SPATA31E1: variants seen among roughly 807,000 people sequenced by gnomAD.
The protein encoded by SPATA31E1 is spermatogenesis-associated protein 31E1.
A neutral mutation model predicts 12.9 loss-of-function variants in SPATA31E1; 7 were observed. The ratio of observed to expected loss-of-function variants is 0.54; its 90% CI spans 0.31 to 1.02. The LOEUF (loss-of-function observed/expected upper bound fraction) is 1.02. Among genes scored for constraint, SPATA31E1 ranks in the 50% least tolerant of loss-of-function variants. The pLI, the probability that SPATA31E1 is intolerant of heterozygous loss-of-function variation, is 0.05. For missense variants in SPATA31E1, 1,961 were observed against 1,799.8 expected, an observed-to-expected ratio of 1.09 and a Z score of -1.62; for synonymous variants, 771 against 719.0, an observed-to-expected ratio of 1.07 and a Z score of -1.16.
At chr9:87,884,340 C>T (rs375609024) in intron 2 of SPATA31E1, among the ~76,000 whole-genome samples, 1 of 152,352 alleles carries the variant, frequency 6.6e-6, no homozygotes. Context: ...TTTGAGACCA[C>T]CCATTTGCTC....
chr9:87,886,488 G>C lies in SPATA31E1; in HGVS notation c.2001G>C (p.Gln667His). The C allele has an allele frequency of 6.2e-7, 1 of 1,613,988 alleles. No individual in the cohort carries two copies. The highest frequency in any genetic ancestry group is 8.5e-7 in the Non-Finnish European group (1 of 1,179,996). Residue 667 changes from glutamine (Q) to histidine (H), a missense_variant, in exon 4 of 4, where the codon CAG (glutamine) becomes CAC (histidine). Gln to His is a conservative substitution (Grantham distance 24). Transcript: ENST00000325643. Reference protein sequence around the residue: ...DGEFPGRPQSQAEDTQQALLP... With the variant: ...DGEFPGRPQSHAEDTQQALLP... ...AATTCCCAGGGAGGCCCCAGAGTCA[G>C]GCAGAAGACACGCAGCAGGCCCTCT...
In SPATA31E1 at chr9:87,888,671, TCAGAGA is replaced by T; in HGVS notation, c.4194_4199del (p.Arg1398_Asp1399del). The stretch of plus-strand genomic sequence containing the variant: ...CACTGTCCTGTCAAAAACAGGGGCA[TCAGAGA>T]CAGAGACAGCAGTTGGGCCCCACCT... On this transcript the variant is annotated inframe_deletion, in exon 4 of 4. Coordinates refer to ENST00000325643, the MANE Select transcript of SPATA31E1 (RefSeq NM_178828.5). 1 of 1,613,968 alleles carries T rather than the reference TCAGAGA, an allele frequency of 6.2e-7. No homozygotes were observed. Among genetic ancestry groups the T allele is most frequent in the Non-Finnish European group, 8.5e-7 (1 of 1,179,994 alleles).
At position 87,887,723 on chromosome 9, in the gene SPATA31E1, C is replaced by T. The variant is rs765473803; in HGVS notation, c.3236C>T (p.Ser1079Phe). The T allele has an allele frequency of 1.9e-6, 3 of 1,614,004 alleles. No homozygotes were observed. In the South Asian group the frequency reaches 3.3e-5, roughly 18 times the overall value. Residue 1079 changes from serine to phenylalanine, a missense_variant, in exon 4 of 4, where the codon TCT becomes TTT. By Grantham distance (155) the Ser-to-Phe change is radical. Coordinates refer to ENST00000325643, the MANE Select transcript of SPATA31E1 (RefSeq NM_178828.5). ...GGGACCACTGGTAACCCCTCAGCGT[C>T]TTCAGTCTGTGTTGCTCAGGATCCA... ...ALGTTGNPSA[S>F]SVCVAQDPEQ...
chr9:87,883,285 G>A, intron 1 of SPATA31E1, 85 bp downstream of exon 1: 2 of 1,429,434 alleles, frequency 1.4e-6, no homozygotes, highest in South Asian at 2.8e-5. Flanking sequence ...AGCAATGTGA[G>A]ACCCTTCTGT....
At position 87,887,869 on chromosome 9, in the gene SPATA31E1, C is replaced by T; in HGVS notation, c.3382C>T (p.Leu1128=). 3 of 1,613,840 alleles carry T rather than the reference C, an allele frequency of 1.9e-6. No individual in the cohort carries two copies. The highest frequency in any genetic ancestry group is 2.5e-6 in the Non-Finnish European group (3 of 1,180,044). Residue 1128 remains leucine (L), a synonymous_variant, in exon 4 of 4, where the codon CTG becomes TTG. Transcript: ENST00000325643. ...CCTCCTCCAGGACGGCGCCACAGGCCTGTGCCTTCCAGGCCGCCACATGGA... is the reference window on the plus strand; with the variant it reads ...CCTCCTCCAGGACGGCGCCACAGGCTTGTGCCTTCCAGGCCGCCACATGGA... The part of the protein sequence containing the change: ...GILLQDGATG[L]CLPGRHMDML...
chr9:87,885,499 G>C lies in SPATA31E1; in HGVS notation c.1012G>C (p.Ala338Pro), dbSNP rs551533016. The C allele has an allele frequency of 6.2e-7, 1 of 1,614,116 alleles. No homozygotes were observed. Among genetic ancestry groups the C allele is most frequent in the Admixed American group, 1.7e-5 (1 of 60,026 alleles). ...PRHLPDHTSE[A>P]SFWGDPTPKH... ...GCATCTTCCCGACCACACCTCAGAG[G>C]CTTCCTTCTGGGGAGACCCCACACC... The change falls in exon 4 of 4, where the codon GCT becomes CCT. Residue 338 changes from alanine (A) to proline (P), a missense_variant. Physicochemically the swap from Ala to Pro is conservative, Grantham distance 27. Coordinates refer to ENST00000325643, the MANE Select transcript of SPATA31E1 (RefSeq NM_178828.5).
At position 87,885,196 on chromosome 9, in the gene SPATA31E1, C is replaced by G. The variant is rs529538067; in HGVS notation, c.709C>G (p.Gln237Glu). ...GCTTCCCCTAAAATGCCCTGCAACC[C>G]AGCCACATGTGGTTTTTCCTCCTTC... The part of the protein sequence containing the change: ...PLLPLKCPAT[Q>E]PHVVFPPSPQ... The change falls in exon 4 of 4, where the codon CAG becomes GAG. Residue 237 changes from glutamine (Q) to glutamate (E), a missense_variant. Transcript: ENST00000325643. 4.3e-6 allele frequency: 7 copies of G among 1,614,138 alleles called. No homozygotes were observed. Among genetic ancestry groups the G allele is most frequent in the Admixed American group, 1.7e-5 (1 of 60,026 alleles).
chr9:87,883,054 A>G lies in SPATA31E1; in HGVS notation c.163A>G (p.Thr55Ala), dbSNP rs548531092. The change falls in exon 1 of 4, where the codon ACA (threonine) becomes GCA (alanine). Residue 55 changes from threonine to alanine, a missense_variant. Coordinates refer to ENST00000325643, the MANE Select transcript of SPATA31E1 (RefSeq NM_178828.5). ...CTTTCCTCTGAAGAGCCCTAGTGCC[A>G]CATGGCTGAGCCCTAGCTCCACTCC... ...MLFPLKSPSA[T>A]WLSPSSTPWM... The G allele has an allele frequency of 6.2e-7, 1 of 1,613,650 alleles. No homozygotes were observed. The highest frequency in any genetic ancestry group is 1.1e-5 in the South Asian group (1 of 90,924).
At position 87,886,599 on chromosome 9, in the gene SPATA31E1, C is replaced by G. The variant is rs4076794; in HGVS notation, c.2112C>G (p.Asp704Glu). 220,800 of 1,613,758 alleles carry G rather than the reference C, an allele frequency of 0.14. 24,068 individuals carry two copies. The highest frequency in any genetic ancestry group is 0.55 in the African/African-American group (41,504 of 74,872). Residue 704 changes from aspartate to glutamate, a missense_variant, in exon 4 of 4, where the codon GAC becomes GAG. Physicochemically the swap from Asp to Glu is conservative, Grantham distance 45. Transcript: ENST00000325643. ...TGFRSSGRFS[D>E]KGCLGSKLGP... ...TCAGGAGCTCCGGAAGGTTCTCTGA[C>G]AAGGGGTGCTTAGGGTCCAAACTAG...
chr9:87,883,988 T>G lies in SPATA31E1; in HGVS notation c.310-4T>G. The G allele has an allele frequency of 6.2e-7, 1 of 1,605,234 alleles. No homozygotes were observed. Among genetic ancestry groups the G allele is most frequent in the East Asian group, 2.2e-5 (1 of 44,662 alleles). ...CCAGCCCCTCATCCTTTCTTGCCTC[T>G]CAGCCTCAAAGGGAGAGAAGCGGGA... On this transcript the variant is annotated splice_region_variant and splice_polypyrimidine_tract_variant and intron_variant, in intron 1 of 3. Coordinates refer to ENST00000325643, the MANE Select transcript of SPATA31E1 (RefSeq NM_178828.5).
At position 87,884,897 on chromosome 9, in the gene SPATA31E1, C is replaced by A; in HGVS notation, c.426-16C>A. 6.3e-7 allele frequency: 1 copy of A among 1,593,070 alleles called. No homozygotes were observed. The highest frequency in any genetic ancestry group is 8.6e-7 in the Non-Finnish European group (1 of 1,167,356). ...ATCTACCCCTGGCTGCAGCTTGTGC[C>A]TCTTGTCTCCTGCAGCCACCTGAGG... On this transcript the variant is annotated splice_polypyrimidine_tract_variant and intron_variant, in intron 3 of 3. Transcript: ENST00000325643.
At position 87,888,558 on chromosome 9, in the gene SPATA31E1, C is replaced by T. The variant is rs569910084; in HGVS notation, c.4071C>T (p.Ser1357=). 6.2e-7 allele frequency: 1 copy of T among 1,614,184 alleles called. No homozygotes were observed. Among genetic ancestry groups the T allele is most frequent in the Non-Finnish European group, 8.5e-7 (1 of 1,180,032 alleles). Residue 1357 remains serine, a synonymous_variant, in exon 4 of 4, where the codon TCC becomes TCT. Transcript: ENST00000325643. ...TCCGCGCCCAGGAGAATGTGCCTTC[C>T]TGCTGCCACAGGGGTCACTGCCACC... ...GDFRAQENVP[S]CCHRGHCHQE...
In SPATA31E1 at chr9:87,887,158, G is replaced by T. The variant is rs537793274; in HGVS notation, c.2671G>T (p.Val891Phe). Residue 891 changes from valine to phenylalanine, a missense_variant, in exon 4 of 4, where the codon GTT becomes TTT. By Grantham distance (50) the Val-to-Phe change is conservative. Coordinates refer to ENST00000325643, the MANE Select transcript of SPATA31E1 (RefSeq NM_178828.5). ...WVSRVESVPK[V>F]PIFLGKRPQN... ...ATCTCGGGTTGAATCTGTACCCAAG[G>T]TTCCCATTTTCCTGGGAAAACGTCC... is the stretch of plus-strand genomic sequence containing the variant. 7.4e-6 allele frequency: 12 copies of T among 1,614,020 alleles called. 1 individual carries two copies. Among genetic ancestry groups the T allele is most frequent in the African/African-American group, 1.3e-5 (1 of 75,022 alleles).
Position 87,884,183 on chromosome 9 carries a change from G to A in SPATA31E1, c.364+137G>A, listed in dbSNP as rs555523395. ...CCTGCGGCCTCCTCAGATTCCCTGCGGGAATGAAGCCACGGGCCTGGGACC... is the reference window on the plus strand; with the variant it reads ...CCTGCGGCCTCCTCAGATTCCCTGCAGGAATGAAGCCACGGGCCTGGGACC... On this transcript the variant is annotated intron_variant, in intron 2 of 3. Coordinates refer to ENST00000325643, the MANE Select transcript of SPATA31E1 (RefSeq NM_178828.5). The A allele has an allele frequency of 1.9e-4, 225 of 1,168,100 alleles. 2 individuals are homozygous for A. The South Asian group carries it at 2.9e-3, about 15-fold the overall frequency. The allele number at this position is 1,168,100 out of a possible 1,614,324, so 72.4% of individuals were successfully genotyped here.
chr9:87,887,857 G>A lies in SPATA31E1; in HGVS notation c.3370G>A (p.Gly1124Ser), dbSNP rs141616210. Reference sequence around the variant, plus strand: ...TGCCCCGGGCATCCTCCTCCAGGACGGCGCCACAGGCCTGTGCCTTCCAGG... The same window carrying A: ...TGCCCCGGGCATCCTCCTCCAGGACAGCGCCACAGGCCTGTGCCTTCCAGG... ...GRAPGILLQD[G>S]ATGLCLPGRH... The change falls in exon 4 of 4, where the codon GGC becomes AGC. Residue 1124 changes from glycine to serine, a missense_variant. Physicochemically the swap from Gly to Ser is moderately conservative, Grantham distance 56. Transcript: ENST00000325643. The A allele has an allele frequency of 7.8e-5, 126 of 1,613,824 alleles. No individual in the cohort carries two copies. The highest frequency in any genetic ancestry group is 4.0e-4 in the East Asian group (18 of 44,874).
At position 87,885,584 on chromosome 9, in the gene SPATA31E1, A is replaced by T; in HGVS notation, c.1097A>T (p.Glu366Val). The change falls in exon 4 of 4, where the codon GAG (glutamate) becomes GTG (valine). Residue 366 changes from glutamate to valine, a missense_variant. By Grantham distance (121) the Glu-to-Val change is moderately radical (BLOSUM62 -2). Coordinates refer to ENST00000325643, the MANE Select transcript of SPATA31E1 (RefSeq NM_178828.5). ...FIHPDVQKLLETLIAKRALMK... is the reference protein window; with the variant it reads ...FIHPDVQKLLVTLIAKRALMK... ...CACCCTGACGTGCAGAAGCTGCTGG[A>T]GACCCTCATCGCCAAGAGAGCACTG... The T allele has an allele frequency of 6.2e-7, 1 of 1,614,174 alleles. No individual in the cohort carries two copies. The highest frequency in any genetic ancestry group is 8.5e-7 in the Non-Finnish European group (1 of 1,180,040).
rs1828305195 is a variant in SPATA31E1, at chr9:87,887,536, C to T, written c.3049C>T (p.Leu1017=). The T allele has an allele frequency of 1.2e-6, 2 of 1,613,960 alleles. No homozygotes were observed. The highest frequency in any genetic ancestry group is 2.7e-5 in the African/African-American group (2 of 74,944). Residue 1017 remains leucine, a synonymous_variant, in exon 4 of 4, where the codon CTG becomes TTG. Coordinates refer to ENST00000325643, the MANE Select transcript of SPATA31E1 (RefSeq NM_178828.5). ...SPGDPCSSRA[L]QVLSIGSQWA... ...AGGAGACCCCTGTAGTAGCAGAGCC[C>T]TGCAAGTGCTCAGCATAGGGTCCCA...
rs1482379415 is a variant in SPATA31E1 at position 87,888,636 on chromosome 9, C to T, written c.4149C>T (p.Pro1383=). The T allele has an allele frequency of 6.2e-7, 1 of 1,614,080 alleles. No homozygotes were observed. Among genetic ancestry groups the T allele is most frequent in the Non-Finnish European group, 8.5e-7 (1 of 1,180,020 alleles). The change falls in exon 4 of 4, where the codon CCC becomes CCT. Residue 1383 remains proline (P), a synonymous_variant. Transcript: ENST00000325643. ...TGGCCTGCAGCCCTAAAGCCACCCC[C>T]AAGGGCCACCACTGTCCTGTCAAAA... ...RALACSPKAT[P]KGHHCPVKNR...
Position 87,888,246 on chromosome 9 carries a change from G to A in SPATA31E1, c.3759G>A (p.Glu1253=), listed in dbSNP as rs750939627. The stretch of plus-strand genomic sequence containing the variant: ...GGAAATACAACCAGCTTCAGCTGGA[G>A]AAGGGACAGACACCACCAGAAAGCC... ...QERKYNQLQL[E]KGQTPPESHF... The change falls in exon 4 of 4, where the codon GAG becomes GAA. Residue 1253 remains glutamate, a synonymous_variant. Transcript: ENST00000325643. 1 of 1,614,116 alleles carries A rather than the reference G, an allele frequency of 6.2e-7. No individual in the cohort carries two copies. Among genetic ancestry groups the A allele is most frequent in the South Asian group, 1.1e-5 (1 of 91,082 alleles).
Sources: allele counts gnomAD v4.1 joint callset (sites outside exome capture counted in the v4.1 genomes callset), GRCh38; gene constraint gnomAD v4.1.1; transcripts MANE v1.5; gene names NCBI Gene and HGNC (gene_info 2026-07-23, HGNC 2026-07-21).